Variants in SPATA7 observed in about 807,000 individuals in gnomAD.
SPATA7 encodes the protein spermatogenesis-associated protein 7.
In SPATA7, 43 loss-of-function variants were observed where a neutral mutation model predicts 51.8. The observed-to-expected ratio is 0.83, with a 90% confidence interval of 0.65 to 1.07. SPATA7 has a LOEUF of 1.07. Among genes scored for constraint, SPATA7 ranks in the 50% least tolerant of loss-of-function variants. The pLI is 0.00. For missense variants in SPATA7, 683 were observed against 701.3 expected, an observed-to-expected ratio of 0.97 and a Z score of 0.30; for synonymous variants, 230 against 252.8, an observed-to-expected ratio of 0.91 and a Z score of 0.86.
chr14:88,427,787 G>A, intron 7 of SPATA7, 91 bp downstream of exon 7: 1 of 959,942 alleles, frequency 1.0e-6, no homozygotes. Context: ...AGACTGTGAA[G>A]AATAATCTGT....
downstream of SPATA7, among the ~76,000 whole-genome samples, chr14:88,438,885 T>C (rs757441346): frequency 1.3e-5 from 2 of 152,328 alleles, no homozygotes; most frequent in Admixed American, 6.5e-5. Flanking sequence ...TGGAGTCTTA[T>C]ATAATGTAAC....
At chr14:88,395,624 T>C (rs1333349254) in intron 3 of SPATA7, among the ~76,000 whole-genome samples, 3 of 151,068 alleles carry the variant, frequency 2.0e-5, no homozygotes, top group Non-Finnish European at 4.4e-5. Flanking sequence ...TTGTTTGTTT[T>C]GTTTTTTTGC....
At chr14:88,387,174 G>T (rs891298884) in intron 1 of SPATA7, among the ~76,000 whole-genome samples, 2 of 152,168 alleles carry the variant, frequency 1.3e-5, no homozygotes, top group African/African-American at 4.8e-5. Flanking sequence ...TGAAGCCAAT[G>T]CATTTACTTA....
intron 4 of SPATA7, among the ~76,000 whole-genome samples, chr14:88,397,525 C>T (rs2139888937): frequency 6.6e-6 from 1 of 151,764 alleles, no homozygotes. Context: ...CAACTCTGGT[C>T]CCAGCTACTC....
At chr14:88,453,921 G>A (rs2077267631) in intron 3 of SPATA7, among the ~76,000 whole-genome samples, 1 of 152,200 alleles carries the variant, frequency 6.6e-6, no homozygotes, top group Non-Finnish European at 1.5e-5. Context: ...CCAAGGCTAA[G>A]CTTGTTGCCT....
intron 10 of SPATA7, 118 bp downstream of exon 10, chr14:88,433,330 A>G: frequency 1.4e-6 from 1 of 718,260 alleles, no homozygotes. Flanking sequence ...GAAAAAATAT[A>G]TTGCTTTCTT....
At chr14:88,441,710 T>A (rs1382546595), downstream of SPATA7, among the ~76,000 whole-genome samples, 2 of 152,192 alleles carry the variant, frequency 1.3e-5, no homozygotes, top group African/African-American at 4.8e-5. Context: ...TGTTTCTTGC[T>A]GATTTGTTTG....
intron 4 of SPATA7, among the ~76,000 whole-genome samples, chr14:88,407,069 A>T (rs1457395372): frequency 6.6e-6 from 1 of 152,218 alleles, no homozygotes; most frequent in Admixed American, 6.5e-5. Context: ...CAGTGCTGCA[A>T]TAAACATATG....
chr14:88,453,008 C>T (rs893840192), intron 3 of SPATA7, among the ~76,000 whole-genome samples: 9 of 152,196 alleles, frequency 5.9e-5, no homozygotes, highest in Non-Finnish European at 8.8e-5. Context: ...GAATATAACA[C>T]CTCCTGTGAA....
downstream of SPATA7, among the ~76,000 whole-genome samples, chr14:88,459,645 T>C (rs2140059666): frequency 6.6e-6 from 1 of 152,318 alleles, no homozygotes; most frequent in African/African-American, 2.4e-5. Context: ...TACAGCACAC[T>C]GATGGGTCTT....
chr14:88,447,804 A>G (rs953491537), intron 3 of SPATA7, among the ~76,000 whole-genome samples: 4 of 152,218 alleles, frequency 2.6e-5, no homozygotes, highest in African/African-American at 9.6e-5. Flanking sequence ...AGAATGTCGA[A>G]TATTGGCCCC....
chr14:88,431,693 A>G (rs1267942190), intron 9 of SPATA7, among the ~76,000 whole-genome samples: 9 of 152,170 alleles, frequency 5.9e-5, no homozygotes, highest in African/African-American at 2.2e-4. Flanking sequence ...GCTTCCACAT[A>G]TGAGTGAGAA....
chr14:88,460,080 C>T (rs540345909), downstream of SPATA7, among the ~76,000 whole-genome samples: 30 of 152,230 alleles, frequency 2.0e-4, no homozygotes, highest in African/African-American at 6.3e-4. Context: ...TGAGATTCGC[C>T]GTTAGTCTGA....
chr14:88,458,945 GA>G, downstream of SPATA7, among the ~76,000 whole-genome samples: 1 of 152,308 alleles, frequency 6.6e-6, no homozygotes, highest in East Asian at 1.9e-4. Context: ...TGGTTTCAAA[GA>G]ACATCTTTAT....
At chr14:88,394,531 C>T (rs554160946) in intron 3 of SPATA7, among the ~76,000 whole-genome samples, 1 of 152,108 alleles carries the variant, frequency 6.6e-6, no homozygotes, top group African/African-American at 2.4e-5. Flanking sequence ...AATGAATAGA[C>T]CACAATTTGT....
intron 1 of SPATA7, 177 bp downstream of exon 1, chr14:88,386,014 T>TG (rs2139847101): frequency 6.8e-7 from 1 of 1,463,752 alleles, no homozygotes; most frequent in African/African-American, 1.4e-5. Flanking sequence ...AGGGAGAGCC[T>TG]GCTTGCCAGC....
chr14:88,465,481 A>G (rs1490587077), intron 4 of SPATA7, among the ~76,000 whole-genome samples: 1 of 152,172 alleles, frequency 6.6e-6, no homozygotes, highest in Non-Finnish European at 1.5e-5. Context: ...ATAAAAAATA[A>G]AATGAGTACT....
At chr14:88,416,015 A>G (rs926498185) in intron 4 of SPATA7, 2 of 152,390 alleles carry the variant, frequency 1.3e-5, no homozygotes, top group Admixed American at 6.5e-5. Flanking sequence ...TTCTTGCCAT[A>G]TGAAATGCAC....
Position 88,386,073 on chromosome 14 carries a change from G to C in SPATA7, c.19+236G>C, listed in dbSNP as rs1381565024. 2.1e-5 allele frequency: 30 copies of C among 1,413,998 alleles called. No homozygotes were observed. In the Admixed American group the frequency reaches 3.4e-4, roughly 16 times the overall value. 87.6% of individuals were successfully genotyped at this position (1,413,998 alleles called of 1,614,324 possible). A position where few individuals can be genotyped will look rare whatever the true frequency, so the allele number is the denominator to read the frequency against. Reference sequence around the variant, plus strand: ...TGAATTTGTCGCCCTGACACCAGGGGCCCCTGTCTCCTGAACTCAGGGTCG... The same window carrying C: ...TGAATTTGTCGCCCTGACACCAGGGCCCCCTGTCTCCTGAACTCAGGGTCG... On this transcript the variant is annotated intron_variant, in intron 1 of 11. Transcript: ENST00000393545.
Sources: allele counts gnomAD v4.1 joint callset (sites outside exome capture counted in the v4.1 genomes callset), GRCh38; gene constraint gnomAD v4.1.1; transcripts MANE v1.5; gene names NCBI Gene and HGNC (gene_info 2026-07-23, HGNC 2026-07-21).